HS3ST4: variants seen among roughly 807,000 people sequenced by gnomAD.
HS3ST4 encodes heparan sulfate-glucosamine 3-sulfotransferase 4.
Under a neutral mutation model 29.2 loss-of-function variants are expected in HS3ST4, and 17 were observed. That is an observed-to-expected ratio of 0.58 (90% CI 0.40 to 0.87). The LOEUF is 0.87. Among genes scored for constraint, HS3ST4 ranks in the 40% least tolerant of loss-of-function variants. HS3ST4 has a pLI of 0.00. For synonymous variants in HS3ST4, 314 were observed against 285.7 expected (o/e 1.10, Z -1.00); for missense variants, 627 against 634.5 (o/e 0.99, Z 0.13).
chr16:25,878,279 T>C (rs1194131479), intron 1 of HS3ST4, among the ~76,000 whole-genome samples: 1 of 152,188 alleles, frequency 6.6e-6, no homozygotes, highest in African/African-American at 2.4e-5. Context: ...TCTTAAGATT[T>C]TGGCAAGAGC....
chr16:25,953,213 G>A (rs1028293600), intron 1 of HS3ST4, among the ~76,000 whole-genome samples: 1 of 152,272 alleles, frequency 6.6e-6, no homozygotes. Context: ...GGGGAGGCAG[G>A]CACCAAGGTG....
intron 1 of HS3ST4, among the ~76,000 whole-genome samples, chr16:26,074,323 A>G (rs557144715): frequency 4.0e-4 from 61 of 152,310 alleles, no homozygotes; most frequent in Non-Finnish European, 6.9e-4. Context: ...CGGCTGGAAA[A>G]GCTTAATATG....
chr16:26,047,298 T>A lies in HS3ST4; in HGVS notation c.735-88314T>A, dbSNP rs145518837. Among the ~76,000 whole-genome samples, 431 of 152,352 alleles carry A rather than the reference T, an allele frequency of 2.8e-3. 1 individual carries two copies. The highest frequency in any genetic ancestry group is 0.01 in the African/African-American group (421 of 41,586). On this transcript the variant is annotated intron_variant, in intron 1 of 1. Coordinates refer to ENST00000331351, the MANE Select transcript of HS3ST4 (RefSeq NM_006040.3). ...GCAGAAGTGCCTGGCTTTATTTTTC[T>A]GCATCAAGGACTCTTCCCTTCTTTG... is the stretch of plus-strand genomic sequence containing the variant.
At chr16:25,997,448 A>G (rs1219718504) in intron 1 of HS3ST4, among the ~76,000 whole-genome samples, 15 of 152,200 alleles carry the variant, frequency 9.9e-5, no homozygotes, top group African/African-American at 3.6e-4. Context: ...GTTAAAGAGC[A>G]TTTATAGATT....
chr16:26,068,126 A>T (rs1596669767), intron 1 of HS3ST4, among the ~76,000 whole-genome samples: 2 of 152,348 alleles, frequency 1.3e-5, no homozygotes, highest in African/African-American at 4.8e-5. Flanking sequence ...CATACTTTGC[A>T]TATCTACCTC....
At chr16:25,796,731 G>A (rs950915227) in intron 1 of HS3ST4, among the ~76,000 whole-genome samples, 3 of 152,326 alleles carry the variant, frequency 2.0e-5, no homozygotes, top group African/African-American at 7.2e-5. Flanking sequence ...CGCAGCACTA[G>A]CCCATAGGCA....
intron 1 of HS3ST4, among the ~76,000 whole-genome samples, chr16:25,733,224 C>T (rs1053231511): frequency 2.0e-5 from 3 of 152,146 alleles, no homozygotes; most frequent in Admixed American, 6.5e-5. Flanking sequence ...ACGTGAGACA[C>T]GCTTTTTCTA....
intron 1 of HS3ST4, among the ~76,000 whole-genome samples, chr16:25,693,760 AT>A (rs1966274017): frequency 6.6e-6 from 1 of 152,092 alleles, no homozygotes; most frequent in Non-Finnish European, 1.5e-5. Context: ...CACGGAGTTG[AT>A]TTTGCACCAG....
chr16:25,973,711 C>T (rs979087566), intron 1 of HS3ST4, among the ~76,000 whole-genome samples: 5 of 152,158 alleles, frequency 3.3e-5, no homozygotes, highest in Non-Finnish European at 5.9e-5. Flanking sequence ...CACACATGTG[C>T]CCACACCCCC....
At chr16:25,996,002 G>GA (rs61447217) in intron 1 of HS3ST4, among the ~76,000 whole-genome samples, 1,297 of 119,234 alleles carry the variant, frequency 0.011, 16 homozygotes, top group African/African-American at 0.032. Context: ...CTTCCTCCTT[G>GA]AAAAAAAAAA....
chr16:26,033,145 A>G (rs1288693729), intron 1 of HS3ST4, among the ~76,000 whole-genome samples: 1 of 152,122 alleles, frequency 6.6e-6, no homozygotes, highest in Non-Finnish European at 1.5e-5. Flanking sequence ...TTGGGAGGCC[A>G]TGGTAGGAGG....
chr16:26,043,365 C>T (rs1038844210), intron 1 of HS3ST4, among the ~76,000 whole-genome samples: 1 of 152,158 alleles, frequency 6.6e-6, no homozygotes, highest in South Asian at 2.1e-4. Flanking sequence ...TCATACCTCT[C>T]CTCTCTGGTA....
At chr16:25,964,443 A>G (rs1968823996) in intron 1 of HS3ST4, among the ~76,000 whole-genome samples, 1 of 152,224 alleles carries the variant, frequency 6.6e-6, no homozygotes, top group Non-Finnish European at 1.5e-5. Flanking sequence ...ATGAAAGTGT[A>G]CGTACCATTG....
At chr16:26,110,757 G>A (rs1036240441) in intron 1 of HS3ST4, among the ~76,000 whole-genome samples, 6 of 151,976 alleles carry the variant, frequency 3.9e-5, no homozygotes, top group African/African-American at 1.2e-4. Flanking sequence ...GACTCCTCAC[G>A]GCACTCAGAA....
chr16:26,070,322 T>C (rs1898587501), intron 1 of HS3ST4, among the ~76,000 whole-genome samples: 1 of 152,220 alleles, frequency 6.6e-6, no homozygotes, highest in African/African-American at 2.4e-5. Flanking sequence ...GATGAGCATT[T>C]TTTCATGTGT....
chr16:26,000,674 C>T (rs1969204488), intron 1 of HS3ST4, among the ~76,000 whole-genome samples: 1 of 152,082 alleles, frequency 6.6e-6, no homozygotes, highest in Non-Finnish European at 1.5e-5. Flanking sequence ...AGGCTGGTCC[C>T]TGGGAGGTCA....
At chr16:25,723,759 T>A (rs1221054065) in intron 1 of HS3ST4, among the ~76,000 whole-genome samples, 1 of 152,232 alleles carries the variant, frequency 6.6e-6, no homozygotes. Flanking sequence ...ATTCTTTGTA[T>A]TTATGTTCTT....
chr16:25,775,864 T>C (rs760326820), intron 1 of HS3ST4, among the ~76,000 whole-genome samples: 4 of 152,232 alleles, frequency 2.6e-5, no homozygotes, highest in Non-Finnish European at 5.9e-5. Context: ...AATTCCATGA[T>C]GGCACAGACC....
intron 1 of HS3ST4, among the ~76,000 whole-genome samples, chr16:25,951,101 T>G (rs1434819268): frequency 2.6e-5 from 4 of 152,202 alleles, no homozygotes; most frequent in Non-Finnish European, 4.4e-5. Context: ...CTCCACCTGC[T>G]GCTAGGTCAT....
Sources: gnomAD v4.1 joint callset for allele counts (sites outside exome capture counted in the v4.1 genomes callset) on GRCh38, gnomAD v4.1.1 for gene constraint, MANE v1.5 for transcripts, NCBI Gene and HGNC (gene_info 2026-07-23, HGNC 2026-07-21) for gene names.